The following ADGRV1 variants were observed in gnomAD, a reference collection of about 807,000 sequenced individuals.
The protein encoded by ADGRV1 is adhesion G protein-coupled receptor V1.
In ADGRV1, 359 loss-of-function variants were observed where a neutral mutation model predicts 596.2. The ratio of observed to expected loss-of-function variants is 0.60; its 90% CI spans 0.55 to 0.66. ADGRV1 has a LOEUF of 0.66. Ranked by LOEUF, ADGRV1 falls within the 30% of genes least tolerant of loss-of-function variation. The pLI, the probability that ADGRV1 is intolerant of heterozygous loss-of-function variation, is 0.00. For synonymous variants in ADGRV1, 2,681 were observed against 2,679.2 expected (o/e 1.00, Z -0.02); for missense variants, 7,274 against 7,575.6 (o/e 0.96, Z 1.48).
At chr5:91,032,682 A>G (rs1460151468) in intron 85 of ADGRV1, among the ~76,000 whole-genome samples, 1 of 152,080 alleles carries the variant, frequency 6.6e-6, no homozygotes, top group African/African-American at 2.4e-5. Context: ...CAGTTTCTGA[A>G]AGAAACAAAA....
intron 84 of ADGRV1, among the ~76,000 whole-genome samples, chr5:90,974,293 C>T (rs1048422353): frequency 6.6e-6 from 1 of 152,160 alleles, no homozygotes; most frequent in African/African-American, 2.4e-5. Flanking sequence ...TTTATAGATT[C>T]AATGCCATCC....
chr5:90,602,979 T>C lies in ADGRV1; in HGVS notation c.23-11856T>C, dbSNP rs183102726. ...AACTTTTGGTTTCTATCATTTCTTT[T>C]TCCTTTTTATTTTCTAAACCTGGAG... On this transcript the variant is annotated intron_variant, in intron 1 of 89. Transcript: ENST00000405460. Among the ~76,000 whole-genome samples the C allele has an allele frequency of 2.6e-3, 395 of 152,348 alleles. 2 individuals carry two copies. Among genetic ancestry groups the C allele is most frequent in the African/African-American group, 8.4e-3 (351 of 41,588 alleles).
rs752168075 is a variant in ADGRV1, at chr5:90,790,956, G to A, written c.14127G>A (p.Glu4709=). 6 of 1,612,934 alleles carry A rather than the reference G, an allele frequency of 3.7e-6. No individual in the cohort carries two copies. In the Admixed American group the frequency reaches 5.0e-5, roughly 13 times the overall value. ...TSGFFTIADG[E]SEASFDVHLL... is the part of the protein sequence containing the mutation. Reference sequence around the variant, plus strand: ...GATTTTTCACCATTGCTGATGGAGAGAGTGAAGCTAGCTTTGATGTTCATT... The same window carrying A: ...GATTTTTCACCATTGCTGATGGAGAAAGTGAAGCTAGCTTTGATGTTCATT... Residue 4709 remains glutamate, a synonymous_variant, in exon 70 of 90, where the codon GAG becomes GAA. Coordinates refer to ENST00000405460, the MANE Select transcript of ADGRV1 (RefSeq NM_032119.4).
At chr5:90,760,471 C>G (rs1238966295) in intron 58 of ADGRV1, among the ~76,000 whole-genome samples, 1 of 152,092 alleles carries the variant, frequency 6.6e-6, no homozygotes. Context: ...TGTAGTAGAT[C>G]AAGATGTACT....
intron 86 of ADGRV1, among the ~76,000 whole-genome samples, chr5:91,088,456 A>G (rs1463446122): frequency 6.6e-6 from 1 of 152,230 alleles, no homozygotes; most frequent in Non-Finnish European, 1.5e-5. Flanking sequence ...AAACAAAACA[A>G]GAATGTAGCA....
At chr5:90,652,787 C>T (rs746836637) in intron 19 of ADGRV1, among the ~76,000 whole-genome samples, 1 of 152,030 alleles carries the variant, frequency 6.6e-6, no homozygotes, top group Non-Finnish European at 1.5e-5. Flanking sequence ...GGATGGAGGC[C>T]TACATCCATC....
chr5:90,671,404 C>T (rs1772445468), intron 21 of ADGRV1, among the ~76,000 whole-genome samples: 1 of 152,196 alleles, frequency 6.6e-6, no homozygotes, highest in Admixed American at 6.5e-5. Flanking sequence ...TTGGGCCTCT[C>T]ATGCCCATGG....
intron 86 of ADGRV1, among the ~76,000 whole-genome samples, chr5:91,100,998 T>C (rs1350900422): frequency 6.6e-6 from 1 of 151,894 alleles, no homozygotes; most frequent in Non-Finnish European, 1.5e-5. Context: ...CGAAGACGTG[T>C]CAACTATACA....
At chr5:90,901,646 T>C (rs1196741946) in intron 83 of ADGRV1, among the ~76,000 whole-genome samples, 1 of 152,134 alleles carries the variant, frequency 6.6e-6, no homozygotes, top group African/African-American at 2.4e-5. Flanking sequence ...CTTTGCTTGC[T>C]CCCAAAGGAG....
intron 84 of ADGRV1, among the ~76,000 whole-genome samples, chr5:90,975,453 A>G (rs1360003760): frequency 6.6e-6 from 1 of 152,200 alleles, no homozygotes; most frequent in African/African-American, 2.4e-5. Context: ...AACTCACCCA[A>G]ATGTCCATCA....
At chr5:90,952,585 G>T (rs1203282279) in intron 83 of ADGRV1, among the ~76,000 whole-genome samples, 2 of 152,148 alleles carry the variant, frequency 1.3e-5, no homozygotes, top group Non-Finnish European at 2.9e-5. Context: ...TATGATTAAA[G>T]TACAGTTGAG....
At chr5:90,815,120 G>A (rs946559829) in intron 74 of ADGRV1, among the ~76,000 whole-genome samples, 4 of 152,006 alleles carry the variant, frequency 2.6e-5, no homozygotes, top group Non-Finnish European at 5.9e-5. Context: ...GGATAGCATA[G>A]AGGGTCTTTT....
intron 27 of ADGRV1, among the ~76,000 whole-genome samples, chr5:90,681,890 C>T (rs897969109): frequency 1.0e-4 from 14 of 139,640 alleles, no homozygotes; most frequent in African/African-American, 3.5e-4. Context: ...TTTTTCGAGA[C>T]GGAGTTTCGC....
At chr5:90,973,078 A>G (rs1022734488) in intron 84 of ADGRV1, among the ~76,000 whole-genome samples, 1 of 152,230 alleles carries the variant, frequency 6.6e-6, no homozygotes, top group Non-Finnish European at 1.5e-5. Context: ...AAACACCTCT[A>G]TGCAAATAAA....
At chr5:90,802,685 A>G (rs1761500154) in intron 70 of ADGRV1, 54 bp from the exon 71 acceptor site, 2 of 1,538,392 alleles carry the variant, frequency 1.3e-6, no homozygotes, top group Admixed American at 1.8e-5. Flanking sequence ...AAGTCAAAGA[A>G]CAGCATTTTT....
At chr5:90,721,373 A>G (rs759285327) in intron 45 of ADGRV1, among the ~76,000 whole-genome samples, 1 of 151,658 alleles carries the variant, frequency 6.6e-6, no homozygotes, top group Non-Finnish European at 1.5e-5. Flanking sequence ...GCGTAGTGGC[A>G]GGCGCCTGTG....
intron 57 of ADGRV1, among the ~76,000 whole-genome samples, chr5:90,758,717 C>T (rs1192109551): frequency 6.6e-6 from 1 of 152,166 alleles, no homozygotes; most frequent in African/African-American, 2.4e-5. Context: ...TGATAAATGT[C>T]TGTCAGAAAC....
At chr5:90,749,920 T>C (rs893518306) in intron 52 of ADGRV1, among the ~76,000 whole-genome samples, 2 of 152,054 alleles carry the variant, frequency 1.3e-5, no homozygotes, top group African/African-American at 4.8e-5. Flanking sequence ...GAAAAAACAG[T>C]TGTAAAGGCC....
At chr5:91,139,557 G>GT (rs1794929551) in intron 87 of ADGRV1, among the ~76,000 whole-genome samples, 1 of 152,176 alleles carries the variant, frequency 6.6e-6, no homozygotes, top group Non-Finnish European at 1.5e-5. Flanking sequence ...GATTCAGTTT[G>GT]TAGTTTAAAG....
Sources: gnomAD v4.1 joint callset for allele counts (sites outside exome capture counted in the v4.1 genomes callset) on GRCh38, gnomAD v4.1.1 for gene constraint, MANE v1.5 for transcripts, NCBI Gene and HGNC (gene_info 2026-07-23, HGNC 2026-07-21) for gene names.